Variants in UGT1A10 observed in about 807,000 individuals in gnomAD.
UGT1A10 encodes UDP glucuronosyltransferase family 1 member A10.
UGT1A10 carries 49 observed loss-of-function variants against 45.8 expected under a neutral mutation model. The observed-to-expected ratio is 1.07, with a 90% CI of 0.85 to 1.36. UGT1A10 has a LOEUF of 1.36. UGT1A10 is among the 40% of genes most tolerant of loss of function. UGT1A10 has a pLI of 0.00. For missense variants in UGT1A10, 745 were observed against 668.6 expected (o/e 1.11, Z -1.26); for synonymous variants, 284 against 249.7 (o/e 1.14, Z -1.29).
At chr2:233,671,751 C>A in intron 1 of UGT1A10, 1 of 1,299,172 alleles carries the variant, frequency 7.7e-7, no homozygotes, top group Non-Finnish European at 1.0e-6. Flanking sequence ...ATAGATATCT[C>A]AGCAAAAGCT....
intron 1 of UGT1A10, among the ~76,000 whole-genome samples, chr2:233,697,697 G>T (rs192103056): frequency 1.3e-5 from 2 of 152,056 alleles, no homozygotes; most frequent in Non-Finnish European, 2.9e-5. Context: ...CTTTTTGGAT[G>T]TAGGCATTTA....
intron 1 of UGT1A10, among the ~76,000 whole-genome samples, chr2:233,657,848 T>C (rs1435360793): frequency 6.6e-6 from 1 of 152,236 alleles, no homozygotes; most frequent in Non-Finnish European, 1.5e-5. Flanking sequence ...AATTGGGTTT[T>C]CTCTTCATTA....
At chr2:233,758,273 A>C (rs575144774) in intron 1 of UGT1A10, among the ~76,000 whole-genome samples, 2 of 152,350 alleles carry the variant, frequency 1.3e-5, no homozygotes, top group South Asian at 4.1e-4. Context: ...TTCTTGGTCA[A>C]GGGCAGAGCT....
chr2:233,660,195 A>G (rs1396072008), intron 1 of UGT1A10, among the ~76,000 whole-genome samples: 5 of 152,348 alleles, frequency 3.3e-5, no homozygotes, highest in Non-Finnish European at 5.9e-5. Context: ...CAACAAGGAC[A>G]TCTTCCACAG....
At chr2:233,732,380 T>C (rs1265735798) in intron 1 of UGT1A10, among the ~76,000 whole-genome samples, 1 of 152,104 alleles carries the variant, frequency 6.6e-6, no homozygotes, top group Non-Finnish European at 1.5e-5. Context: ...CTATGTCTTC[T>C]AGGCCATGCC....
At position 233,769,704 on chromosome 2, in the gene UGT1A10, T is replaced by A; in HGVS notation, c.1295+1265T>A. 6.6e-7 allele frequency: 1 copy of A among 1,519,548 alleles called. No homozygotes were observed. Among genetic ancestry groups the A allele is most frequent in the Non-Finnish European group, 8.8e-7 (1 of 1,132,514 alleles). 94.1% of individuals were successfully genotyped at this position (1,519,548 alleles called of 1,614,324 possible). On this transcript the variant is annotated intron_variant, in intron 4 of 4. Transcript: ENST00000344644. This position sits in a 1 kb window ranked among gnomAD's most constrained non-coding sequence, Gnocchi z 4.4. ...GTGGTGGCACTGGATAAAAGATCAA[T>A]GTTGGCTAGGCACCATGGCACACGC... is the stretch of plus-strand genomic sequence containing the variant.
rs561823899 is a variant in UGT1A10 at position 233,704,839 on chromosome 2, G to A, written c.856-62195G>A. ...CTTTTTAGGATTGCTTTTAAAATCA[G>A]TTAAGAGAATAGGGCCGGGCACGGT... On this transcript the variant is annotated intron_variant, in intron 1 of 4. Transcript: ENST00000344644. Among the ~76,000 whole-genome samples, 3 of 152,072 alleles carry A rather than the reference G, an allele frequency of 2.0e-5. No homozygotes were observed. In the South Asian group the frequency reaches 6.2e-4, roughly 32 times the overall value.
chr2:233,729,868 A>G lies in UGT1A10; in HGVS notation c.856-37166A>G, dbSNP rs754430297. ...TCAGAGAGAGGTGTCAGTGGTGGAT[A>G]TTCTCAGTCATGCATCTGTGTGGCT... On this transcript the variant is annotated intron_variant, in intron 1 of 4. Transcript: ENST00000344644. 6.2e-7 allele frequency: 1 copy of G among 1,613,720 alleles called. No homozygotes were observed. Among genetic ancestry groups the G allele is most frequent in the Non-Finnish European group, 8.5e-7 (1 of 1,179,808 alleles).
At chr2:233,649,773 AT>A (rs1249109216) in intron 1 of UGT1A10, among the ~76,000 whole-genome samples, 1 of 152,220 alleles carries the variant, frequency 6.6e-6, no homozygotes, top group Non-Finnish European at 1.5e-5. Flanking sequence ...TGAAGAAAGT[AT>A]AAAGCAGAAT....
rs568090687 is a variant in UGT1A10, at chr2:233,760,533, A to G, written c.856-6501A>G. 23 of 1,614,268 alleles carry G rather than the reference A, an allele frequency of 1.4e-5. No homozygotes were observed. The South Asian group carries it at 2.2e-4, about 15-fold the overall frequency. On this transcript the variant is annotated intron_variant, in intron 1 of 4. Coordinates refer to ENST00000344644, the MANE Select transcript of UGT1A10 (RefSeq NM_019075.4). ...ACACCTTGAAGACGTACCCTGTGCC[A>G]TTCCAAAGGGAGGATGTGAAAGAGT... is the stretch of plus-strand genomic sequence containing the variant.
At chr2:233,667,249 A>C (rs1162873018) in intron 1 of UGT1A10, among the ~76,000 whole-genome samples, 1 of 152,214 alleles carries the variant, frequency 6.6e-6, no homozygotes, top group Non-Finnish European at 1.5e-5. Flanking sequence ...TGGTTGAACT[A>C]GTTTACAGTC....
rs770564267 is a variant in UGT1A10 at position 233,772,524 on chromosome 2, C to A, written c.1558C>A (p.Arg520=). 1.2e-6 allele frequency: 2 copies of A among 1,613,956 alleles called. No individual in the cohort carries two copies. The highest frequency in any genetic ancestry group is 2.2e-5 in the East Asian group (1 of 44,874). Residue 520 remains arginine (R), a synonymous_variant, in exon 5 of 5, where the codon CGA becomes AGA. Transcript: ENST00000344644. ...GYRKCLGKKG[R]VKKAHKSKTH ...CCGGAAATGCTTGGGGAAAAAAGGG[C>A]GAGTTAAGAAAGCCCACAAATCCAA...
intron 1 of UGT1A10, among the ~76,000 whole-genome samples, chr2:233,726,714 A>C (rs1575568254): frequency 2.0e-5 from 3 of 152,340 alleles, no homozygotes; most frequent in Admixed American, 2.0e-4. Flanking sequence ...GGTTTGAGGA[A>C]GTACAATGTA....
intron 2 of UGT1A10, 118 bp from the exon 3 acceptor site, chr2:233,767,727 TCCTC>T (rs945662817): frequency 4.7e-5 from 73 of 1,556,206 alleles, no homozygotes; most frequent in Non-Finnish European, 6.3e-5. Context: ...CAGTTACTGA[TCCTC>T]CCACTCTGTT....
intron 1 of UGT1A10, among the ~76,000 whole-genome samples, chr2:233,740,100 A>G (rs17862874): frequency 0.037 from 5,662 of 151,960 alleles, 157 homozygotes; most frequent in Non-Finnish European, 0.057. Context: ...CATGTGAGAC[A>G]TGCCTTTGCT....
chr2:233,744,390 C>A (rs894432341), intron 1 of UGT1A10, among the ~76,000 whole-genome samples: 4 of 151,862 alleles, frequency 2.6e-5, no homozygotes, highest in Non-Finnish European at 5.9e-5. Context: ...AACGTTCCAG[C>A]CCCGGTGCCC....
At position 233,767,859 on chromosome 2, in the gene UGT1A10, G is replaced by A. The variant is rs750453538; in HGVS notation, c.998G>A (p.Arg333Gln). ...LGKIPQTVLW[R>Q]YTGTRPSNLA... The stretch of plus-strand genomic sequence containing the variant: ...TTTTGCCCCTCCCAGGTCCTGTGGC[G>A]GTACACTGGAACCCGACCATCGAAT... The change falls in exon 3 of 5, where the codon CGG becomes CAG. Residue 333 changes from arginine to glutamine, a missense_variant. Arg to Gln is a conservative substitution (Grantham distance 43). Transcript: ENST00000344644. 15 of 1,613,938 alleles carry A rather than the reference G, an allele frequency of 9.3e-6. No homozygotes were observed. The highest frequency in any genetic ancestry group is 5.3e-5 in the African/African-American group (4 of 74,850).
intron 1 of UGT1A10, among the ~76,000 whole-genome samples, chr2:233,709,707 T>G (rs1363464719): frequency 6.6e-6 from 1 of 152,230 alleles, no homozygotes; most frequent in East Asian, 1.9e-4. Flanking sequence ...TGTTCTTTTT[T>G]AATTGAATGA....
At chr2:233,747,246 G>T in intron 1 of UGT1A10, 1 of 1,601,988 alleles carries the variant, frequency 6.2e-7, no homozygotes, top group Non-Finnish European at 8.5e-7. Flanking sequence ...CCCTGCTGTG[G>T]CTGGCCACAG....
Sources: allele counts gnomAD v4.1 joint callset (sites outside exome capture counted in the v4.1 genomes callset), GRCh38; gene constraint gnomAD v4.1.1; non-coding constraint Gnocchi (gnomAD v3.1); transcripts MANE v1.5; gene names NCBI Gene and HGNC (gene_info 2026-07-23, HGNC 2026-07-21).